MYLK: variants seen among roughly 807,000 people sequenced by gnomAD.
The protein encoded by MYLK is myosin light chain kinase, also known as myosin light chain kinase, smooth muscle.
In MYLK, 106 loss-of-function variants were observed where a neutral mutation model predicts 203.4. The ratio of observed to expected loss-of-function variants is 0.52; its 90% confidence interval spans 0.45 to 0.61. The LOEUF (loss-of-function observed/expected upper bound fraction) is 0.61. Among genes scored for constraint, MYLK ranks in the 20% least tolerant of loss-of-function variants. The pLI, the probability that MYLK is intolerant of heterozygous loss-of-function variation, is 0.00. For synonymous variants in MYLK, 867 were observed against 959.5 expected (o/e 0.90, Z 1.78); for missense variants, 2,072 against 2,442.3 (o/e 0.85, Z 3.20).
Position 123,738,922 on chromosome 3 carries a change from G to A in MYLK, c.563C>T (p.Pro188Leu). The change falls in exon 7 of 34, where the codon CCC (proline) becomes CTC (leucine). Residue 188 changes from proline to leucine, a missense_variant. Pro to Leu is a moderately conservative substitution (Grantham distance 98). This residue lies in a region of MYLK where 683 missense variants were observed against 643.8 expected (regional missense o/e 1.06). Transcript: ENST00000360304. ...CTTGAGCCAGGTGACCTGCGGTTGG[G>A]GCCGGCCAGTGATCTTGCAGGAGAA... ...GRFSCKITGR[P>L]QPQVTWLKGN... is the part of the protein sequence containing the mutation. 6.2e-7 allele frequency: 1 copy of A among 1,612,030 alleles called. No homozygotes were observed. Among genetic ancestry groups the A allele is most frequent in the African/African-American group, 1.3e-5 (1 of 74,988 alleles).
intron 18 of MYLK, among the ~76,000 whole-genome samples, chr3:123,696,957 C>G (rs996897658): frequency 6.6e-6 from 1 of 152,248 alleles, no homozygotes; most frequent in Non-Finnish European, 1.5e-5. Context: ...GCGGGGCCCC[C>G]GCCTGGAAGC....
chr3:123,762,090 A>G (rs892860102), intron 4 of MYLK, among the ~76,000 whole-genome samples: 3 of 152,194 alleles, frequency 2.0e-5, no homozygotes, highest in African/African-American at 7.2e-5. Context: ...GTGAATTGGT[A>G]CTATAAGTCA....
At chr3:123,861,881 T>C (rs1409162077) in intron 2 of MYLK, among the ~76,000 whole-genome samples, 2 of 152,218 alleles carry the variant, frequency 1.3e-5, no homozygotes, top group African/African-American at 2.4e-5. Flanking sequence ...AAACCAGGGA[T>C]AGACATGGGT....
At chr3:123,784,169 A>G (rs1160292489) in intron 4 of MYLK, among the ~76,000 whole-genome samples, 1 of 152,184 alleles carries the variant, frequency 6.6e-6, no homozygotes. Flanking sequence ...ACGACCTGGA[A>G]ACTAATGTCA....
chr3:123,839,187 A>T (rs1448298167), intron 2 of MYLK, among the ~76,000 whole-genome samples: 1 of 152,202 alleles, frequency 6.6e-6, no homozygotes, highest in East Asian at 1.9e-4. Context: ...AACAAAAAAT[A>T]TTTATGGTAG....
At chr3:123,698,059 C>T (rs1476840324) in intron 18 of MYLK, among the ~76,000 whole-genome samples, 2 of 152,166 alleles carry the variant, frequency 1.3e-5, no homozygotes, top group African/African-American at 2.4e-5. Flanking sequence ...GTCTGCCTTA[C>T]ATCGCTTAGT....
intron 5 of MYLK, among the ~76,000 whole-genome samples, chr3:123,744,447 A>G (rs2062954406): frequency 6.6e-6 from 1 of 152,258 alleles, no homozygotes; most frequent in Non-Finnish European, 1.5e-5. Flanking sequence ...GATGTATTAT[A>G]TAAAAAAGAA....
intron 22 of MYLK, among the ~76,000 whole-genome samples, chr3:123,664,865 A>G (rs1157801858): frequency 1.3e-5 from 2 of 152,234 alleles, no homozygotes; most frequent in Non-Finnish European, 2.9e-5. Flanking sequence ...AGAGAAAGCT[A>G]CACAGAGAGA....
intron 2 of MYLK, among the ~76,000 whole-genome samples, chr3:123,835,167 A>C (rs2066443755): frequency 6.6e-6 from 1 of 152,226 alleles, no homozygotes; most frequent in African/African-American, 2.4e-5. Flanking sequence ...TTAGAAATGC[A>C]GATTATTGGG....
At chr3:123,808,678 C>T (rs752313650) in intron 3 of MYLK, among the ~76,000 whole-genome samples, 2 of 152,170 alleles carry the variant, frequency 1.3e-5, no homozygotes, top group African/African-American at 2.4e-5. Context: ...ACCTAAGGTC[C>T]AGACAAGTGC....
chr3:123,678,469 TG>T (rs2060148420), intron 20 of MYLK, among the ~76,000 whole-genome samples: 1 of 152,062 alleles, frequency 6.6e-6, no homozygotes, highest in Admixed American at 6.6e-5. Context: ...TTGCTTGGGT[TG>T]GGGTGGATGC....
At chr3:123,746,662 G>A (rs1560166089) in intron 5 of MYLK, among the ~76,000 whole-genome samples, 1 of 152,190 alleles carries the variant, frequency 6.6e-6, no homozygotes, top group Non-Finnish European at 1.5e-5. Context: ...TTCTGCAAAG[G>A]CAGTCTTGAA....
intron 3 of MYLK, among the ~76,000 whole-genome samples, chr3:123,810,651 G>C (rs766461294): frequency 6.6e-6 from 1 of 152,212 alleles, no homozygotes; most frequent in African/African-American, 2.4e-5. Context: ...CTTCCCTGTC[G>C]TGCTCCTCAG....
intron 2 of MYLK, among the ~76,000 whole-genome samples, chr3:123,838,677 AC>A (rs1177025439): frequency 6.6e-6 from 1 of 152,240 alleles, no homozygotes; most frequent in East Asian, 1.9e-4. Context: ...TTTATACCAT[AC>A]GTGAAGTGAT....
chr3:123,751,410 A>C (rs2063188454), intron 5 of MYLK, among the ~76,000 whole-genome samples: 1 of 152,242 alleles, frequency 6.6e-6, no homozygotes, highest in South Asian at 2.1e-4. Context: ...AAAGACAAAA[A>C]TATTAGGTTG....
At chr3:123,810,112 A>G (rs1251390569) in intron 3 of MYLK, among the ~76,000 whole-genome samples, 3 of 152,160 alleles carry the variant, frequency 2.0e-5, no homozygotes, top group Non-Finnish European at 2.9e-5. Flanking sequence ...CCGCACACCC[A>G]TCACTGTGTA....
intron 22 of MYLK, 130 bp downstream of exon 22, chr3:123,666,089 T>C (rs890690783): frequency 1.4e-5 from 19 of 1,399,966 alleles, no homozygotes; most frequent in Non-Finnish European, 1.9e-5. Flanking sequence ...GGTAGGGGAG[T>C]GGCCTCTCCC....
chr3:123,648,521 T>C lies in MYLK; in HGVS notation c.4415+450A>G, dbSNP rs1190948381. On this transcript the variant is annotated intron_variant, in intron 26 of 33. Transcript: ENST00000360304. The surrounding 1 kb of genome is among the most constrained non-coding windows in gnomAD (Gnocchi z 4.5). Reference sequence around the variant, plus strand: ...AGTTCCAGGGTACATGTGCAGGATGTGTACGTTACGTAGGTAAACGTGTGC... The same window carrying C: ...AGTTCCAGGGTACATGTGCAGGATGCGTACGTTACGTAGGTAAACGTGTGC... Among the ~76,000 whole-genome samples the C allele has an allele frequency of 6.6e-6, 1 of 152,208 alleles. No homozygotes were observed. The highest frequency in any genetic ancestry group is 1.9e-4 in the East Asian group (1 of 5,194).
At chr3:123,634,504 C>T (rs543786136) in intron 29 of MYLK, among the ~76,000 whole-genome samples, 73 of 152,310 alleles carry the variant, frequency 4.8e-4, no homozygotes, top group African/African-American at 1.6e-3. Flanking sequence ...TGGCATCTCC[C>T]GACCACACAC....
Sources: allele counts gnomAD v4.1 joint callset (sites outside exome capture counted in the v4.1 genomes callset), GRCh38; gene constraint gnomAD v4.1.1; regional missense constraint gnomAD v4.1.1; non-coding constraint Gnocchi (gnomAD v3.1); transcripts MANE v1.5; gene names NCBI Gene and HGNC (gene_info 2026-07-23, HGNC 2026-07-21).